Variants in LCA5 observed in about 807,000 individuals in gnomAD.
LCA5 encodes lebercilin LCA5.
Under a neutral mutation model 53.0 loss-of-function variants are expected in LCA5, and 37 were observed. That is an observed-to-expected ratio of 0.70 (90% CI 0.54 to 0.92). LCA5 has a LOEUF of 0.92. LCA5 is among the 40% of genes least tolerant of loss of function. The probability of loss-of-function intolerance (pLI) is 0.00; values close to 1 mark genes in which losing one functional copy is unlikely to be tolerated. For missense variants in LCA5, 806 were observed against 790.5 expected (o/e 1.02, Z -0.23); for synonymous variants, 303 against 282.9 (o/e 1.07, Z -0.71).
At chr6:79,512,328 A>T (rs2127679197) in intron 3 of LCA5, among the ~76,000 whole-genome samples, 1 of 152,182 alleles carries the variant, frequency 6.6e-6, no homozygotes, top group Non-Finnish European at 1.5e-5. Context: ...TGGAGGAAAA[A>T]AATAGCCGCT....
Position 79,487,825 on chromosome 6 carries a change from C to G in LCA5, c.1273G>C (p.Ala425Pro), listed in dbSNP as rs150095877. Residue 425 changes from alanine to proline, a missense_variant, in exon 8 of 8, where the codon GCA becomes CCA. Ala to Pro is a conservative substitution (Grantham distance 27). Coordinates refer to ENST00000369846, the MANE Select transcript of LCA5 (RefSeq NM_001122769.3). Reference sequence around the variant, plus strand: ...TTTTCTTCTCTTTCCAGTAAAGATGCCTTTTCTTTTTGCTTTTTATCAAGT... The same window carrying G: ...TTTTCTTCTCTTTCCAGTAAAGATGGCTTTTCTTTTTGCTTTTTATCAAGT... ...EELDKKQKEK[A>P]SLLEREEKPE... 2.2e-5 allele frequency: 35 copies of G among 1,608,550 alleles called. No homozygotes were observed. Among genetic ancestry groups the G allele is most frequent in the African/African-American group, 4.0e-5 (3 of 74,628 alleles).
At chr6:79,516,738 C>G (rs528332591) in intron 2 of LCA5, among the ~76,000 whole-genome samples, 18 of 152,002 alleles carry the variant, frequency 1.2e-4, no homozygotes, top group Non-Finnish European at 2.2e-4. Context: ...TTCTTCATCT[C>G]TCCTTCTTAA....
rs556910438 is a variant in LCA5 at position 79,486,853 on chromosome 6, A to T, written c.*151T>A. 1.5e-6 allele frequency: 1 copy of T among 656,582 alleles called. No homozygotes were observed. The highest frequency in any genetic ancestry group is 2.5e-6 in the Non-Finnish European group (1 of 396,904). 40.7% of individuals were successfully genotyped at this position (656,582 alleles called of 1,614,324 possible). A position where few individuals can be genotyped will look rare whatever the true frequency, so the allele number is the denominator to read the frequency against. ...AAACTATCTATGTGGTGTATGTATG[A>T]TCTACTTCTTTTTAACTGCATTGTA... On this transcript the variant is annotated 3_prime_UTR_variant, in exon 8 of 8. Transcript: ENST00000369846.
Position 79,493,694 on chromosome 6 carries a change from A to G in LCA5, c.777T>C (p.Ala259=), listed in dbSNP as rs1282810224. 12 of 1,613,754 alleles carry G rather than the reference A, an allele frequency of 7.4e-6. No individual in the cohort carries two copies. The highest frequency in any genetic ancestry group is 9.3e-6 in the Non-Finnish European group (11 of 1,179,772). The change falls in exon 4 of 8, where the codon GCT becomes GCC. Residue 259 remains alanine, a synonymous_variant. Coordinates refer to ENST00000369846, the MANE Select transcript of LCA5 (RefSeq NM_001122769.3). ...STNSFQRQLL[A]ERKRAYEAHD... is the part of the protein sequence containing the mutation. ...GAGCCTCATATGCCCTTTTCCTTTCAGCAAGCAACTGTCGTTGGAAACTGT... is the reference window on the plus strand; with the variant it reads ...GAGCCTCATATGCCCTTTTCCTTTCGGCAAGCAACTGTCGTTGGAAACTGT...
At chr6:79,510,689 C>T (rs1381243947) in intron 3 of LCA5, among the ~76,000 whole-genome samples, 1 of 152,024 alleles carries the variant, frequency 6.6e-6, no homozygotes, top group Non-Finnish European at 1.5e-5. Context: ...AACCACATAC[C>T]TGACAAAACC....
intron 1 of LCA5, among the ~76,000 whole-genome samples, chr6:79,519,865 C>T (rs1480554331): frequency 2.0e-5 from 3 of 151,812 alleles, no homozygotes; most frequent in Non-Finnish European, 2.9e-5. Context: ...TTATCATCTT[C>T]AATACATAAA....
intron 3 of LCA5, among the ~76,000 whole-genome samples, chr6:79,495,182 T>C (rs1232384651): frequency 2.0e-5 from 3 of 152,144 alleles, no homozygotes; most frequent in Non-Finnish European, 4.4e-5. Context: ...GGGTTCTAAG[T>C]TGTGCTCTTC....
chr6:79,500,372 G>C (rs2220191), intron 3 of LCA5, among the ~76,000 whole-genome samples: 72,014 of 151,960 alleles, frequency 0.47, 18,005 homozygotes, highest in East Asian at 0.82. Flanking sequence ...ATTTTTGCAA[G>C]CAAACACAAA....
At chr6:79,491,302 A>C (rs1769832665) in intron 6 of LCA5, among the ~76,000 whole-genome samples, 1 of 152,052 alleles carries the variant, frequency 6.6e-6, no homozygotes, top group Non-Finnish European at 1.5e-5. Context: ...ATTATACTTT[A>C]AGTTTTAGGG....
intron 3 of LCA5, among the ~76,000 whole-genome samples, chr6:79,495,185 T>C (rs1769946771): frequency 6.6e-6 from 1 of 152,206 alleles, no homozygotes; most frequent in African/African-American, 2.4e-5. Flanking sequence ...TTCTAAGTTG[T>C]GCTCTTCTTA....
rs1299986406 is a variant in LCA5, at chr6:79,502,198, G to A, written c.721-8448C>T. On this transcript the variant is annotated intron_variant, in intron 3 of 7. Coordinates refer to ENST00000369846, the MANE Select transcript of LCA5 (RefSeq NM_001122769.3). ...TCCAAAGTACAATGAGAAAAGCTCT[G>A]GAATCACATTTGCAAGGTTCTTCAG... is the stretch of plus-strand genomic sequence containing the variant. Among the ~76,000 whole-genome samples the A allele has an allele frequency of 2.0e-5, 3 of 152,138 alleles. No homozygotes were observed. In the East Asian group the frequency reaches 5.8e-4, roughly 29 times the overall value.
intron 3 of LCA5, among the ~76,000 whole-genome samples, chr6:79,511,511 GGATTCTTGT>G (rs1424268925): frequency 3.3e-5 from 5 of 152,008 alleles, no homozygotes; most frequent in African/African-American, 1.2e-4. Context: ...AAAATACAAG[GGATTCTTGT>G]GATGGAATTG....
At chr6:79,505,628 T>C (rs939847527) in intron 3 of LCA5, among the ~76,000 whole-genome samples, 5 of 152,156 alleles carry the variant, frequency 3.3e-5, no homozygotes, top group Admixed American at 2.6e-4. Flanking sequence ...AACTCAGAGT[T>C]AGACAAGAAC....
intron 3 of LCA5, among the ~76,000 whole-genome samples, chr6:79,494,660 A>G (rs1292019280): frequency 6.6e-6 from 1 of 152,194 alleles, no homozygotes; most frequent in Non-Finnish European, 1.5e-5. Context: ...CTTTCTCAGT[A>G]AATAAAACCA....
At chr6:79,523,170 T>A (rs541239458) in intron 1 of LCA5, among the ~76,000 whole-genome samples, 13 of 152,306 alleles carry the variant, frequency 8.5e-5, no homozygotes, top group African/African-American at 3.1e-4. Context: ...ACTTTGATTT[T>A]ACTTCTGATG....
At chr6:79,506,377 C>T (rs139681960) in intron 3 of LCA5, among the ~76,000 whole-genome samples, 60 of 152,150 alleles carry the variant, frequency 3.9e-4, no homozygotes, top group African/African-American at 1.4e-3. Flanking sequence ...GACAGTTTCC[C>T]ATTTCATGAT....
intron 1 of LCA5, among the ~76,000 whole-genome samples, chr6:79,533,353 G>A (rs532647211): frequency 2.6e-5 from 4 of 152,004 alleles, no homozygotes; most frequent in East Asian, 1.9e-4. Context: ...GAGGAGGGGG[G>A]AGCGAGGGAG....
chr6:79,486,968 AT>A lies in LCA5; in HGVS notation c.*35del, dbSNP rs747368961. 3 of 1,508,738 alleles carry A rather than the reference AT, an allele frequency of 2.0e-6. No individual in the cohort carries two copies. The highest frequency in any genetic ancestry group is 1.8e-5 in the Admixed American group (1 of 56,610). The allele number at this position is 1,508,738 out of a possible 1,614,324, so 93.5% of individuals were successfully genotyped here. A position where few individuals can be genotyped will look rare whatever the true frequency, so the allele number is the denominator to read the frequency against. On this transcript the variant is annotated 3_prime_UTR_variant, in exon 8 of 8. Coordinates refer to ENST00000369846, the MANE Select transcript of LCA5 (RefSeq NM_001122769.3). The stretch of plus-strand genomic sequence containing the variant: ...ATAAATACTGTATTAAAATATTTCA[AT>A]ATTTACAATTAGAAAAAATGTATAC...
At chr6:79,527,654 C>A (rs1053458326) in intron 1 of LCA5, among the ~76,000 whole-genome samples, 1 of 152,160 alleles carries the variant, frequency 6.6e-6, no homozygotes, top group Middle Eastern at 3.2e-3. Flanking sequence ...AGCTGGAGAC[C>A]CTTAAAGAAT....
Sources: allele counts gnomAD v4.1 joint callset (sites outside exome capture counted in the v4.1 genomes callset), GRCh38; gene constraint gnomAD v4.1.1; transcripts MANE v1.5; gene names NCBI Gene and HGNC (gene_info 2026-07-23, HGNC 2026-07-21).